The following CR1L variants were observed in gnomAD, a reference collection of about 807,000 sequenced individuals.
The protein encoded by CR1L is complement C3b/C4b receptor 1 like.
CR1L carries 59 observed loss-of-function variants against 62.3 expected under a neutral mutation model. That is an observed-to-expected ratio of 0.95 (90% CI 0.77 to 1.18). CR1L has a LOEUF of 1.18. Ranked by LOEUF, CR1L falls within the 50% of genes most tolerant of loss-of-function variation. CR1L has a pLI of 0.00. For missense variants in CR1L, 700 were observed against 702.8 expected (o/e 1.00, Z 0.04); for synonymous variants, 279 against 248.7 (o/e 1.12, Z -1.15).
intron 10 of CR1L, chr1:207,710,824 A>C (rs57006663): frequency 6.7e-7 from 1 of 1,482,400 alleles, no homozygotes; most frequent in African/African-American, 1.4e-5. Context: ...TGCAAGTGAC[A>C]TGCATTGCTG....
In CR1L at chr1:207,669,919, G is replaced by C. The variant is rs114485988; in HGVS notation, c.98-7470G>C. 6.5e-3 allele frequency among the ~76,000 whole-genome samples: 983 copies of C among 151,300 alleles called. 7 individuals carry two copies. Among genetic ancestry groups the C allele is most frequent in the Non-Finnish European group, 0.01 (694 of 68,028 alleles). On this transcript the variant is annotated intron_variant, in intron 1 of 11. Transcript: ENST00000508064. ...AGCGTGGCGTCGATCCTAGCGAAAC[G>C]GGACTTGGGGATCCGACAAACCTGA...
Position 207,694,652 on chromosome 1 carries a change from G to C in CR1L, c.763G>C (p.Glu255Gln). The change falls in exon 5 of 12, where the codon GAG becomes CAG. Residue 255 changes from glutamate (E) to glutamine (Q), a missense_variant. Physicochemically the swap from Glu to Gln is conservative, Grantham distance 29. Coordinates refer to ENST00000508064, the MANE Select transcript of CR1L (RefSeq NM_175710.2). ...RSLFSLNEVV[E>Q]FRCQPGFGMK... is the part of the protein sequence containing the mutation. ...CTTATTTTCCTTAAATGAAGTTGTG[G>C]AGTTTAGGTGTCAGCCTGGCTTTGG... 6.2e-7 allele frequency: 1 copy of C among 1,611,888 alleles called. No individual in the cohort carries two copies. The highest frequency in any genetic ancestry group is 8.5e-7 in the Non-Finnish European group (1 of 1,179,724).
In CR1L at chr1:207,697,654, G is replaced by A; in HGVS notation, c.1014G>A (p.Trp338Ter). The A allele has an allele frequency of 6.2e-7, 1 of 1,614,000 alleles. No individual in the cohort carries two copies. Among genetic ancestry groups the A allele is most frequent in the Non-Finnish European group, 8.5e-7 (1 of 1,179,882 alleles). Residue 338 changes from tryptophan to a stop codon, truncating the protein, a stop_gained, in exon 6 of 12, where the codon TGG (tryptophan) becomes TGA (stop). Coordinates refer to ENST00000508064, the MANE Select transcript of CR1L (RefSeq NM_175710.2). LOFTEE classifies it high-confidence loss of function. The stretch of plus-strand genomic sequence containing the variant: ...TGCACTGCACACCCCAGGGAGACTG[G>A]AGCCCTGCAGCCCCCAGATGTGAAG... ...TYLHCTPQGD[W>*]SPAAPRCEVK...
chr1:207,645,436 G>T, intron 1 of CR1L, 106 bp downstream of exon 1: 1 of 1,290,632 alleles, frequency 7.7e-7, no homozygotes, highest in South Asian at 1.2e-5. Flanking sequence ...GTGCCTGCTT[G>T]GGATAGAGAG....
chr1:207,699,346 C>T (rs1004404685), intron 8 of CR1L, 72 bp downstream of exon 8: 1 of 1,543,108 alleles, frequency 6.5e-7, no homozygotes, highest in Non-Finnish European at 8.8e-7. Context: ...CATGACCTCC[C>T]CTAATGTGGT....
intron 1 of CR1L, among the ~76,000 whole-genome samples, chr1:207,664,647 A>G (rs1011847327): frequency 6.6e-6 from 1 of 152,248 alleles, no homozygotes; most frequent in African/African-American, 2.4e-5. Flanking sequence ...AGAGTTAACT[A>G]TAAGCATTTC....
At chr1:207,660,636 C>T (rs1237497842) in intron 1 of CR1L, among the ~76,000 whole-genome samples, 1 of 152,194 alleles carries the variant, frequency 6.6e-6, no homozygotes, top group Non-Finnish European at 1.5e-5. Flanking sequence ...TTTTATGTCT[C>T]TATTTCCTTC....
chr1:207,678,479 A>G (rs1024624498), intron 3 of CR1L, among the ~76,000 whole-genome samples, 182 bp downstream of exon 3: 6 of 152,188 alleles, frequency 3.9e-5, no homozygotes, highest in Non-Finnish European at 7.3e-5. Context: ...CAGGGGGAAA[A>G]TCATCTGTAT....
At chr1:207,650,127 T>C (rs993466855) in intron 1 of CR1L, among the ~76,000 whole-genome samples, 2 of 152,058 alleles carry the variant, frequency 1.3e-5, no homozygotes, top group Non-Finnish European at 2.9e-5. Flanking sequence ...CAATTGAATA[T>C]GTAGTTTTGG....
At chr1:207,669,419 C>G in intron 1 of CR1L, 1 of 1,220,030 alleles carries the variant, frequency 8.2e-7, no homozygotes, top group Non-Finnish European at 1.2e-6. Context: ...GAGATCAAAT[C>G]TGGTTTGTAG....
intron 1 of CR1L, among the ~76,000 whole-genome samples, chr1:207,673,222 C>T (rs1010526857): frequency 1.3e-5 from 2 of 152,114 alleles, no homozygotes; most frequent in African/African-American, 4.8e-5. Context: ...TAGATGTCAA[C>T]TAATGATTGT....
intron 1 of CR1L, among the ~76,000 whole-genome samples, chr1:207,671,600 G>C (rs537426591): frequency 3.3e-5 from 5 of 150,964 alleles, no homozygotes; most frequent in Non-Finnish European, 7.3e-5. Context: ...CAGTAAGGAA[G>C]AGTGAATTGC....
chr1:207,694,483 G>A lies in CR1L; in HGVS notation c.594G>A (p.Glu198=), dbSNP rs1480084299. Residue 198 remains glutamate (E), a synonymous_variant, in exon 5 of 12, where the codon GAG becomes GAA. Transcript: ENST00000508064. ...GAAGCAGAGGGAAAAAGGTGTTTGA[G>A]CTTGTGGGTGAGCCCTCCATATACT... ...NLGSRGKKVF[E]LVGEPSIYCT... 4 of 1,613,942 alleles carry A rather than the reference G, an allele frequency of 2.5e-6. No individual in the cohort carries two copies. Among genetic ancestry groups the A allele is most frequent in the South Asian group, 2.2e-5 (2 of 91,084 alleles).
chr1:207,693,553 A>G (rs539759950), intron 4 of CR1L, among the ~76,000 whole-genome samples: 2 of 152,330 alleles, frequency 1.3e-5, no homozygotes, highest in African/African-American at 2.4e-5. Context: ...TTATTCTTCT[A>G]TATCTTGGTC....
chr1:207,719,854 G>A (rs899457139), intron 11 of CR1L, among the ~76,000 whole-genome samples: 3 of 152,176 alleles, frequency 2.0e-5, no homozygotes, highest in Non-Finnish European at 4.4e-5. Context: ...TAGGTAACTT[G>A]CACAAGACCA....
intron 8 of CR1L, among the ~76,000 whole-genome samples, chr1:207,700,357 G>C (rs1447014674): frequency 1.3e-5 from 2 of 152,154 alleles, no homozygotes; most frequent in Non-Finnish European, 2.9e-5. Context: ...AAAGCTCATT[G>C]ATTGGACTAC....
intron 10 of CR1L, among the ~76,000 whole-genome samples, chr1:207,713,517 G>C (rs1475567992): frequency 1.3e-5 from 2 of 152,226 alleles, no homozygotes; most frequent in African/African-American, 4.8e-5. Context: ...CAATGCAGGA[G>C]ACACCTCATC....
At chr1:207,668,836 T>TC (rs1333221208) in intron 1 of CR1L, among the ~76,000 whole-genome samples, 1 of 151,024 alleles carries the variant, frequency 6.6e-6, no homozygotes, top group Admixed American at 6.6e-5. Context: ...CTGGCTGGTC[T>TC]CCCCTCTCCA....
intron 9 of CR1L, among the ~76,000 whole-genome samples, chr1:207,703,043 C>G (rs1456540527): frequency 1.3e-5 from 2 of 152,348 alleles, no homozygotes; most frequent in African/African-American, 4.8e-5. Flanking sequence ...TGCCACTGCA[C>G]TCCAGGTTGG....
Sources: gnomAD v4.1 joint callset for allele counts (sites outside exome capture counted in the v4.1 genomes callset) on GRCh38, gnomAD v4.1.1 for gene constraint, MANE v1.5 for transcripts, NCBI Gene and HGNC (gene_info 2026-07-23, HGNC 2026-07-21) for gene names.